The following WDR7 variants were observed in gnomAD, a reference collection of about 807,000 sequenced individuals.
The protein encoded by WDR7 is WD repeat-containing protein 7.
WDR7 carries 46 observed loss-of-function variants against 169.4 expected under a neutral mutation model. The observed-to-expected ratio is 0.27, with a 90% CI of 0.21 to 0.35. WDR7 has a LOEUF of 0.35. Ranked by LOEUF, WDR7 falls within the 10% of genes least tolerant of loss-of-function variation. The pLI is 1.00. For synonymous variants in WDR7, 612 were observed against 666.8 expected, an observed-to-expected ratio of 0.92 and a Z score of 1.27; for missense variants, 1,534 against 1,859.3, an observed-to-expected ratio of 0.83 and a Z score of 3.22.
At chr18:56,828,705 A>G (rs1245823181) in intron 20 of WDR7, among the ~76,000 whole-genome samples, 3 of 152,220 alleles carry the variant, frequency 2.0e-5, no homozygotes, top group South Asian at 2.1e-4. Context: ...ATGGTTTGTC[A>G]TCAGCTCAGT....
chr18:56,763,933 A>G (rs1319213227), intron 16 of WDR7, among the ~76,000 whole-genome samples: 2 of 152,020 alleles, frequency 1.3e-5, no homozygotes, highest in Non-Finnish European at 2.9e-5. Context: ...TTCATAATTT[A>G]TGTTTTTTCC....
At chr18:56,884,235 T>C (rs1273248813) in intron 21 of WDR7, among the ~76,000 whole-genome samples, 2 of 152,206 alleles carry the variant, frequency 1.3e-5, no homozygotes, top group Non-Finnish European at 2.9e-5. Context: ...GTGGTTTTGA[T>C]TTGCCTTTCC....
intron 20 of WDR7, among the ~76,000 whole-genome samples, chr18:56,829,979 T>C (rs188539850): frequency 6.6e-6 from 1 of 152,310 alleles, no homozygotes; most frequent in African/African-American, 2.4e-5. Flanking sequence ...TAAAGTCAAA[T>C]GTCCAACAAG....
intron 21 of WDR7, 105 bp downstream of exon 21, chr18:56,880,270 A>T: frequency 8.9e-7 from 1 of 1,117,858 alleles, no homozygotes; most frequent in East Asian, 2.6e-5. Context: ...GCTCATTTAG[A>T]TTGCTTGCGT....
chr18:56,693,376 G>T (rs940852535), intron 9 of WDR7, among the ~76,000 whole-genome samples: 1 of 152,076 alleles, frequency 6.6e-6, no homozygotes, highest in South Asian at 2.1e-4. Context: ...AGCTGAAAAT[G>T]AAAGTACACA....
At chr18:56,895,543 C>T (rs2046321554) in intron 21 of WDR7, among the ~76,000 whole-genome samples, 1 of 150,824 alleles carries the variant, frequency 6.6e-6, no homozygotes, top group Non-Finnish European at 1.5e-5. Flanking sequence ...AAATGATGCT[C>T]AAATTTAATA....
chr18:56,731,428 T>C lies in WDR7; in HGVS notation c.1820T>C (p.Leu607Pro). 6.2e-7 allele frequency: 1 copy of C among 1,614,208 alleles called. No individual in the cohort carries two copies. The highest frequency in any genetic ancestry group is 8.5e-7 in the Non-Finnish European group (1 of 1,180,038). ...ATGGGGATAACAGCAGTTGAGATTC[T>C]AAACGCTTGTGATGAAGCTGTTCCT... ...CVMGITAVEI[L>P]NACDEAVPAA... The change falls in exon 14 of 28, where the codon CTA becomes CCA. Residue 607 changes from leucine (L) to proline (P), a missense_variant. Physicochemically the swap from Leu to Pro is moderately conservative, Grantham distance 98 (BLOSUM62 -3). Coordinates refer to ENST00000254442, the MANE Select transcript of WDR7 (RefSeq NM_015285.3).
chr18:56,837,340 T>C (rs1261370635), intron 20 of WDR7, among the ~76,000 whole-genome samples: 1 of 152,208 alleles, frequency 6.6e-6, no homozygotes, highest in Non-Finnish European at 1.5e-5. Flanking sequence ...ATTTTCAAAA[T>C]GGCCGTGTAG....
chr18:56,903,410 A>ATTAT (rs750571595), intron 21 of WDR7, among the ~76,000 whole-genome samples: 293 of 151,706 alleles, frequency 1.9e-3, no homozygotes, highest in African/African-American at 6.1e-3. Flanking sequence ...TTTTATTTTT[A>ATTAT]TTATTTATTT....
chr18:56,766,954 G>A (rs186753966), intron 16 of WDR7, among the ~76,000 whole-genome samples: 30 of 152,302 alleles, frequency 2.0e-4, no homozygotes, highest in Non-Finnish European at 1.6e-4. Context: ...GATGGGAGAT[G>A]TTTGAATTTT....
intron 7 of WDR7, among the ~76,000 whole-genome samples, chr18:56,688,598 G>A (rs984866602): frequency 3.3e-5 from 5 of 150,608 alleles, no homozygotes; most frequent in African/African-American, 4.9e-5. Context: ...GCATGGTGAC[G>A]CACACCTGTA....
intron 14 of WDR7, among the ~76,000 whole-genome samples, chr18:56,756,185 T>A (rs1369193477): frequency 6.6e-6 from 1 of 152,206 alleles, no homozygotes; most frequent in Non-Finnish European, 1.5e-5. Flanking sequence ...TTGTAGCAAC[T>A]TAAAGGATCA....
chr18:56,863,159 T>A (rs2045832583), intron 20 of WDR7, among the ~76,000 whole-genome samples: 1 of 151,842 alleles, frequency 6.6e-6, no homozygotes, highest in Admixed American at 6.6e-5. Flanking sequence ...ATAACATAGT[T>A]GTTTAGTATA....
intron 12 of WDR7, among the ~76,000 whole-genome samples, chr18:56,698,358 G>A (rs1428208315): frequency 6.6e-6 from 1 of 152,078 alleles, no homozygotes; most frequent in East Asian, 1.9e-4. Context: ...TGTAATCCCA[G>A]CACTTTGGGA....
rs1341468361 is a variant in WDR7 at position 57,027,222 on chromosome 18, G to A, written c.*15G>A. The A allele has an allele frequency of 5.6e-6, 9 of 1,600,452 alleles. No individual in the cohort carries two copies. The highest frequency in any genetic ancestry group is 7.7e-6 in the Non-Finnish European group (9 of 1,174,408). ...TCATGGTCTAATGCTGCTGCCTGCC[G>A]CCGTGACTGCGTTTTAGTTCTCTAA... is the stretch of plus-strand genomic sequence containing the variant. On this transcript the variant is annotated 3_prime_UTR_variant, in exon 28 of 28. Transcript: ENST00000254442.
At chr18:56,724,795 C>A (rs890862787) in intron 13 of WDR7, among the ~76,000 whole-genome samples, 1 of 152,022 alleles carries the variant, frequency 6.6e-6, no homozygotes, top group African/African-American at 2.4e-5. Flanking sequence ...TGCTATCCCT[C>A]CCCCGCTCTC....
intron 1 of WDR7, among the ~76,000 whole-genome samples, chr18:56,662,476 A>G (rs1170782349): frequency 6.6e-6 from 1 of 152,272 alleles, no homozygotes; most frequent in Non-Finnish European, 1.5e-5. Context: ...AAACAAAAAC[A>G]GTAGCAGTGA....
At chr18:56,931,638 G>A (rs1286041372) in intron 22 of WDR7, among the ~76,000 whole-genome samples, 1 of 152,124 alleles carries the variant, frequency 6.6e-6, no homozygotes, top group African/African-American at 2.4e-5. Flanking sequence ...GTAAGGCCTG[G>A]CAAAATGTGA....
rs1374771721 is a variant in WDR7 at position 56,756,723 on chromosome 18, G to A, written c.2130G>A (p.Pro710=). 5.6e-6 allele frequency: 9 copies of A among 1,613,996 alleles called. No homozygotes were observed. The highest frequency in any genetic ancestry group is 1.3e-5 in the African/African-American group (1 of 74,892). Residue 710 remains proline, a synonymous_variant, in exon 15 of 28, where the codon CCG becomes CCA. Coordinates refer to ENST00000254442, the MANE Select transcript of WDR7 (RefSeq NM_015285.3). ...IQLLTEEASR[P]NTALISPENL... ...TCCTGACTGAAGAAGCCTCTAGGCC[G>A]AATACTGCTCTTATTTCCCCAGAGA...
Sources: allele counts gnomAD v4.1 joint callset (sites outside exome capture counted in the v4.1 genomes callset), GRCh38; gene constraint gnomAD v4.1.1; transcripts MANE v1.5; gene names NCBI Gene and HGNC (gene_info 2026-07-23, HGNC 2026-07-21).